The following BBS12 variants were observed in gnomAD, a reference collection of about 807,000 sequenced individuals.
BBS12 encodes the protein Bardet-Biedl syndrome 12.
Under a neutral mutation model 5.6 loss-of-function variants are expected in BBS12, and 5 were observed. The ratio of observed to expected loss-of-function variants is 0.89; its 90% CI spans 0.46 to 1.86. The LOEUF is 1.86. Among genes scored for constraint, BBS12 ranks in the 40% most tolerant of loss-of-function variants. The pLI is 0.01. For synonymous variants in BBS12, 308 were observed against 306.8 expected (o/e 1.00, Z -0.04); for missense variants, 748 against 830.4 (o/e 0.90, Z 1.22).
At chr4:122,731,607 C>T (rs1800697593), upstream of BBS12, 1 of 152,120 alleles carries the variant, frequency 6.6e-6, no homozygotes, top group Non-Finnish European at 1.5e-5. Context: ...GGTGCCAATT[C>T]CTTCTTTATC....
chr4:122,734,610 C>A (rs1038947828), intron 1 of BBS12, among the ~76,000 whole-genome samples: 15 of 151,960 alleles, frequency 9.9e-5, no homozygotes, highest in African/African-American at 3.6e-4. Flanking sequence ...TTTCTTAGAC[C>A]CAGAAATGAA....
the BBS12 span, among the ~76,000 whole-genome samples, chr4:122,714,799 T>A: frequency 6.6e-6 from 1 of 152,138 alleles, no homozygotes; most frequent in Admixed American, 6.6e-5. Context: ...TTTAAAAGAA[T>A]GCTTATACAT....
chr4:122,703,074 C>G, the BBS12 span, among the ~76,000 whole-genome samples: 24 of 152,194 alleles, frequency 1.6e-4, no homozygotes, highest in Non-Finnish European at 2.8e-4. Flanking sequence ...ATCATTCTCT[C>G]CTCTTGCAAT....
upstream of BBS12, chr4:122,729,490 A>G (rs1664295937): frequency 6.6e-6 from 1 of 152,254 alleles, no homozygotes; most frequent in African/African-American, 2.4e-5. Context: ...ATAGGGAAGC[A>G]GCATAATGAA....
At position 122,742,349 on chromosome 4, in the gene BBS12, T is replaced by C; in HGVS notation, c.457T>C (p.Phe153Leu). 6.2e-7 allele frequency: 1 copy of C among 1,614,160 alleles called. No homozygotes were observed. The highest frequency in any genetic ancestry group is 8.5e-7 in the Non-Finnish European group (1 of 1,180,008). ...STKTFSQLET[F>L]SVSLCPFLQV... Reference sequence around the variant, plus strand: ...AAAAACATTTTCTCAACTTGAAACATTTAGTGTAAGTTTGTGTCCTTTTCT... The same window carrying C: ...AAAAACATTTTCTCAACTTGAAACACTTAGTGTAAGTTTGTGTCCTTTTCT... Residue 153 changes from phenylalanine to leucine, a missense_variant, in exon 2 of 2, where the codon TTT becomes CTT. Transcript: ENST00000314218.
the BBS12 span, among the ~76,000 whole-genome samples, chr4:122,709,862 G>A: frequency 6.6e-6 from 1 of 151,936 alleles, no homozygotes; most frequent in Non-Finnish European, 1.5e-5. Context: ...CACCACGTTG[G>A]CCAGGCTGGT....
At chr4:122,741,158 C>T (rs997660828) in intron 1 of BBS12, among the ~76,000 whole-genome samples, 9 of 152,132 alleles carry the variant, frequency 5.9e-5, no homozygotes, top group African/African-American at 2.2e-4. Context: ...GCTTCATCTG[C>T]TACTGTTCTC....
chr4:122,714,189 C>A, the BBS12 span, among the ~76,000 whole-genome samples: 1 of 152,116 alleles, frequency 6.6e-6, no homozygotes, highest in Non-Finnish European at 1.5e-5. Context: ...CTCATTCTCT[C>A]TCTCTTTCTG....
intron 1 of BBS12, among the ~76,000 whole-genome samples, chr4:122,737,509 C>T (rs1800800383): frequency 6.6e-6 from 1 of 152,164 alleles, no homozygotes; most frequent in African/African-American, 2.4e-5. Flanking sequence ...ATGAATACTA[C>T]ATTACATAAT....
chr4:122,726,132 C>T, the BBS12 span, among the ~76,000 whole-genome samples: 4 of 151,980 alleles, frequency 2.6e-5, no homozygotes, highest in Non-Finnish European at 2.9e-5. Flanking sequence ...GCAGAGTACA[C>T]AGACAACCGA....
chr4:122,734,701 C>T (rs764773914), intron 1 of BBS12, among the ~76,000 whole-genome samples: 1 of 152,036 alleles, frequency 6.6e-6, no homozygotes, highest in Non-Finnish European at 1.5e-5. Flanking sequence ...AATTAAATGG[C>T]GGAGTAGTAT....
At chr4:122,709,715 C>T in the BBS12 span, among the ~76,000 whole-genome samples, 4 of 151,940 alleles carry the variant, frequency 2.6e-5, no homozygotes, top group Non-Finnish European at 2.9e-5. Context: ...GTTGCAGTGG[C>T]GTGACCTTGG....
At position 122,743,613 on chromosome 4, in the gene BBS12, C is replaced by G; in HGVS notation, c.1721C>G (p.Ser574Cys). 1 of 1,614,156 alleles carries G rather than the reference C, an allele frequency of 6.2e-7. No homozygotes were observed. The highest frequency in any genetic ancestry group is 8.5e-7 in the Non-Finnish European group (1 of 1,180,006). Residue 574 changes from serine (S) to cysteine (C), a missense_variant, in exon 2 of 2, where the codon TCT becomes TGT. Physicochemically the swap from Ser to Cys is moderately radical, Grantham distance 112. Coordinates refer to ENST00000314218, the MANE Select transcript of BBS12 (RefSeq NM_152618.3). ...TCAGGGTGGCTGCATAATACTTCCT[C>G]TTGGCTGGCTTCATCTCTGGCAATA... Reference protein sequence around the residue: ...ACSGWLHNTSSWLASSLAIYR... With the variant: ...ACSGWLHNTSCWLASSLAIYR...
the BBS12 span, among the ~76,000 whole-genome samples, chr4:122,727,314 T>G: frequency 0.43 from 64,306 of 151,242 alleles, 14,985 homozygotes; most frequent in East Asian, 0.64. Flanking sequence ...GTGCGATCTC[T>G]GCTCCCTGCA....
In BBS12 at chr4:122,743,357, G is replaced by A. The variant is rs145489987; in HGVS notation, c.1465G>A (p.Ala489Thr). The change falls in exon 2 of 2, where the codon GCA becomes ACA. Residue 489 changes from alanine to threonine, a missense_variant. Ala to Thr is a moderately conservative substitution (Grantham distance 58). Transcript: ENST00000314218. The part of the protein sequence containing the change: ...LDVVDRNNRI[A>T]ILLKTEGINL... Reference sequence around the variant, plus strand: ...TGTTGTAGATAGGAACAACAGAATCGCAATCTTATTAAAAACAGAAGGAAT... The same window carrying A: ...TGTTGTAGATAGGAACAACAGAATCACAATCTTATTAAAAACAGAAGGAAT... The A allele has an allele frequency of 9.0e-5, 146 of 1,614,142 alleles. No individual in the cohort carries two copies. The African/African-American group carries it at 1.2e-3, about 13-fold the overall frequency.
upstream of BBS12, among the ~76,000 whole-genome samples, chr4:122,728,101 A>G (rs1188503796): frequency 6.6e-6 from 1 of 152,234 alleles, no homozygotes; most frequent in African/African-American, 2.4e-5. Flanking sequence ...AGAAGGCAAT[A>G]TCTATCAAAA....
Position 122,738,341 on chromosome 4 carries a change from G to A in BBS12, c.-10-3542G>A, listed in dbSNP as rs1266553229. ...TTCTCCTGCCTCAGCCTCCTGAGTG[G>A]CTGGGACTACAGGTGCCTGTCACCA... On this transcript the variant is annotated intron_variant, in intron 1 of 1. Coordinates refer to ENST00000314218, the MANE Select transcript of BBS12 (RefSeq NM_152618.3). Among the ~76,000 whole-genome samples, 5 of 152,076 alleles carry A rather than the reference G, an allele frequency of 3.3e-5. No individual in the cohort carries two copies. In the East Asian group the frequency reaches 9.7e-4, roughly 29 times the overall value.
Position 122,743,789 on chromosome 4 carries a change from T to G in BBS12, c.1897T>G (p.Ser633Ala), listed in dbSNP as rs1560708853. The change falls in exon 2 of 2, where the codon TCA becomes GCA. Residue 633 changes from serine to alanine, a missense_variant. By Grantham distance (99) the Ser-to-Ala change is moderately conservative. Coordinates refer to ENST00000314218, the MANE Select transcript of BBS12 (RefSeq NM_152618.3). ...LQNATDSGSP[S>A]SYILNEYSKL... ...AAATGCCACAGACTCTGGCTCTCCT[T>G]CATCTTACATCTTGAATGAATATAG... is the stretch of plus-strand genomic sequence containing the variant. 6.2e-7 allele frequency: 1 copy of G among 1,613,792 alleles called. No individual in the cohort carries two copies. Among genetic ancestry groups the G allele is most frequent in the Non-Finnish European group, 8.5e-7 (1 of 1,179,874 alleles).
At chr4:122,717,871 C>G in the BBS12 span, among the ~76,000 whole-genome samples, 1 of 152,126 alleles carries the variant, frequency 6.6e-6, no homozygotes, top group Admixed American at 6.5e-5. Context: ...TCAGCCTCTC[C>G]CATTTAAAAG....
Sources: allele counts gnomAD v4.1 joint callset (sites outside exome capture counted in the v4.1 genomes callset), GRCh38; gene constraint gnomAD v4.1.1; transcripts MANE v1.5; gene names NCBI Gene and HGNC (gene_info 2026-07-23, HGNC 2026-07-21).